The following THSD7B variants were observed in gnomAD, a reference collection of about 807,000 sequenced individuals.
The protein encoded by THSD7B is thrombospondin type 1 domain containing 7B, also known as thrombospondin type-1 domain-containing protein 7B.
Under a neutral mutation model 213.6 loss-of-function variants are expected in THSD7B, and 138 were observed. The observed-to-expected ratio is 0.65, with a 90% confidence interval of 0.56 to 0.74. The LOEUF (loss-of-function observed/expected upper bound fraction) is 0.74, where lower values mean the gene tolerates loss of function less well. THSD7B is among the 30% of genes least tolerant of loss of function. The pLI, the probability that THSD7B is intolerant of heterozygous loss-of-function variation, is 0.00. For synonymous variants in THSD7B, 742 were observed against 687.0 expected, an observed-to-expected ratio of 1.08 and a Z score of -1.25; for missense variants, 1,931 against 1,991.5, an observed-to-expected ratio of 0.97 and a Z score of 0.58.
chr2:136,873,503 C>T (rs963692537), intron 1 of THSD7B, among the ~76,000 whole-genome samples: 1 of 152,076 alleles, frequency 6.6e-6, no homozygotes, highest in Non-Finnish European at 1.5e-5. Context: ...CTGTTTTTTC[C>T]TTCGCAGGGT....
At chr2:137,145,361 T>G (rs145949155) in intron 5 of THSD7B, among the ~76,000 whole-genome samples, 62 of 152,188 alleles carry the variant, frequency 4.1e-4, no homozygotes, top group African/African-American at 1.3e-3. Flanking sequence ...CAGGAGTGGT[T>G]GTAATAGGAG....
intron 12 of THSD7B, among the ~76,000 whole-genome samples, chr2:137,359,930 A>G (rs144086920): frequency 1.2e-4 from 19 of 152,354 alleles, no homozygotes; most frequent in African/African-American, 4.6e-4. Context: ...AAATCAATGA[A>G]TAAGTACATC....
chr2:136,819,776 C>T (rs536242098), intron 1 of THSD7B, among the ~76,000 whole-genome samples: 1 of 152,186 alleles, frequency 6.6e-6, no homozygotes, highest in South Asian at 2.1e-4. Context: ...TCCCTTCTTT[C>T]TTCATTTTAG....
chr2:136,827,249 G>A (rs1037458216), intron 1 of THSD7B, among the ~76,000 whole-genome samples: 4 of 152,100 alleles, frequency 2.6e-5, no homozygotes, highest in South Asian at 4.1e-4. Context: ...ATAATATAGA[G>A]TACATGCAAT....
intron 10 of THSD7B, among the ~76,000 whole-genome samples, chr2:137,250,056 T>G (rs571325478): frequency 6.6e-6 from 1 of 152,214 alleles, no homozygotes; most frequent in African/African-American, 2.4e-5. Flanking sequence ...ACCCAGTGTT[T>G]AAACTTGCTA....
chr2:137,606,554 CATAGAAGT>C (rs1474776102), intron 17 of THSD7B, among the ~76,000 whole-genome samples: 2 of 152,064 alleles, frequency 1.3e-5, no homozygotes, highest in Non-Finnish European at 2.9e-5. Flanking sequence ...ACAGAAATGT[CATAGAAGT>C]GGCCCCTTCT....
intron 1 of THSD7B, among the ~76,000 whole-genome samples, chr2:136,804,403 AACACACAC>A (rs3030361): frequency 1.7e-3 from 254 of 148,186 alleles, no homozygotes; most frequent in East Asian, 5.4e-3. Flanking sequence ...ACACACACAT[AACACACAC>A]ACACACACAC....
intron 12 of THSD7B, among the ~76,000 whole-genome samples, chr2:137,402,570 A>G (rs1686394007): frequency 6.6e-6 from 1 of 152,054 alleles, no homozygotes; most frequent in African/African-American, 2.4e-5. Flanking sequence ...TAATCCCAGC[A>G]CTTTGGGAGG....
chr2:136,833,012 T>A (rs1682780627), intron 1 of THSD7B, among the ~76,000 whole-genome samples: 2 of 152,144 alleles, frequency 1.3e-5, no homozygotes, highest in Admixed American at 1.3e-4. Flanking sequence ...CTTAATAGAC[T>A]TTATTTGTGT....
intron 12 of THSD7B, among the ~76,000 whole-genome samples, chr2:137,386,900 T>C (rs1328152812): frequency 6.6e-6 from 1 of 152,238 alleles, no homozygotes; most frequent in East Asian, 1.9e-4. Context: ...AAAAATTAAC[T>C]ATGAGACACA....
At chr2:137,612,789 C>T (rs1682312244) in intron 17 of THSD7B, among the ~76,000 whole-genome samples, 1 of 152,072 alleles carries the variant, frequency 6.6e-6, no homozygotes, top group South Asian at 2.1e-4. Flanking sequence ...TGAAAATAAT[C>T]TTACATTTTC....
At chr2:137,501,180 C>T (rs751750464) in intron 15 of THSD7B, among the ~76,000 whole-genome samples, 1 of 152,268 alleles carries the variant, frequency 6.6e-6, no homozygotes, top group African/African-American at 2.4e-5. Flanking sequence ...TTCACTGCAT[C>T]TGCCCCTTTT....
chr2:136,992,858 G>A (rs140760289), intron 2 of THSD7B, among the ~76,000 whole-genome samples: 4 of 152,246 alleles, frequency 2.6e-5, no homozygotes, highest in East Asian at 1.9e-4. Context: ...TGGGTCATCC[G>A]CAATGTCTGT....
intron 2 of THSD7B, among the ~76,000 whole-genome samples, chr2:137,022,278 T>G (rs767630062): frequency 9.9e-5 from 15 of 152,202 alleles, no homozygotes; most frequent in Non-Finnish European, 1.2e-4. Flanking sequence ...TTTAAACTGG[T>G]TGTACCATTT....
At chr2:137,177,850 C>G (rs1680387153) in intron 7 of THSD7B, among the ~76,000 whole-genome samples, 1 of 151,930 alleles carries the variant, frequency 6.6e-6, no homozygotes, top group Non-Finnish European at 1.5e-5. Flanking sequence ...GTGGGCGGAT[C>G]ACTTGAGGTC....
At chr2:136,986,981 G>A (rs1015628666) in intron 2 of THSD7B, among the ~76,000 whole-genome samples, 2 of 152,212 alleles carry the variant, frequency 1.3e-5, no homozygotes, top group Non-Finnish European at 2.9e-5. Flanking sequence ...GACAGCAAAA[G>A]TGTTGATAGA....
intron 2 of THSD7B, among the ~76,000 whole-genome samples, chr2:136,885,766 T>C (rs527292976): frequency 4.6e-5 from 7 of 152,214 alleles, no homozygotes; most frequent in South Asian, 2.1e-4. Context: ...ATGAGATAAA[T>C]TGATTGAGAA....
At chr2:137,311,469 C>A (rs1247224074) in intron 12 of THSD7B, among the ~76,000 whole-genome samples, 1 of 152,056 alleles carries the variant, frequency 6.6e-6, no homozygotes, top group Non-Finnish European at 1.5e-5. Context: ...AATTTGACTT[C>A]CTCTTTTCCT....
chr2:137,381,200 C>A (rs1033662781), intron 12 of THSD7B, among the ~76,000 whole-genome samples: 2 of 152,108 alleles, frequency 1.3e-5, no homozygotes, highest in Admixed American at 6.5e-5. Flanking sequence ...CCGTATTGCT[C>A]AGATGGGCTC....
Sources: allele counts gnomAD v4.1 joint callset (sites outside exome capture counted in the v4.1 genomes callset), GRCh38; gene constraint gnomAD v4.1.1; transcripts MANE v1.5; gene names NCBI Gene and HGNC (gene_info 2026-07-23, HGNC 2026-07-21).